The following CAMK1D variants were observed in gnomAD, a reference collection of about 807,000 sequenced individuals.
The protein encoded by CAMK1D is calcium/calmodulin dependent protein kinase ID, also known as calcium/calmodulin-dependent protein kinase type 1D.
Under a neutral mutation model 47.7 loss-of-function variants are expected in CAMK1D, and 9 were observed. The observed-to-expected ratio is 0.19, with a 90% CI of 0.11 to 0.33. CAMK1D has a LOEUF of 0.33. Ranked by LOEUF, CAMK1D falls within the 10% of genes least tolerant of loss-of-function variation. CAMK1D has a pLI of 1.00. For missense variants in CAMK1D, 291 were observed against 488.7 expected, an observed-to-expected ratio of 0.60 and a Z score of 3.81; for synonymous variants, 184 against 184.9, an observed-to-expected ratio of 0.99 and a Z score of 0.04.
At chr10:12,480,455 A>C (rs369522822) in intron 1 of CAMK1D, among the ~76,000 whole-genome samples, 1 of 112,986 alleles carries the variant, frequency 8.9e-6, no homozygotes, top group Non-Finnish European at 2.2e-5. Flanking sequence ...AACAAAAAAC[A>C]AAAAAAAACC....
intron 2 of CAMK1D, among the ~76,000 whole-genome samples, chr10:12,599,607 A>G (rs1367909280): frequency 1.3e-5 from 2 of 152,242 alleles, no homozygotes; most frequent in Non-Finnish European, 2.9e-5. Flanking sequence ...CGTGGTAGAA[A>G]GAGAGCAACG....
At chr10:12,519,050 C>T (rs1835302548) in intron 1 of CAMK1D, among the ~76,000 whole-genome samples, 1 of 107,922 alleles carries the variant, frequency 9.3e-6, no homozygotes, top group African/African-American at 3.5e-5. Flanking sequence ...CTCCTCACTT[C>T]CCAGTAGGGG....
intron 1 of CAMK1D, among the ~76,000 whole-genome samples, chr10:12,532,297 T>C (rs1835829994): frequency 6.7e-6 from 1 of 150,174 alleles, no homozygotes. Flanking sequence ...TTTTTTTTTT[T>C]GAGACGGAGT....
intron 2 of CAMK1D, among the ~76,000 whole-genome samples, chr10:12,665,907 T>C (rs1294740572): frequency 2.6e-5 from 4 of 152,250 alleles, no homozygotes; most frequent in Non-Finnish European, 5.9e-5. Flanking sequence ...AGGCGATTCA[T>C]CTGCACGTTG....
At chr10:12,439,610 G>T (rs971946411) in intron 1 of CAMK1D, among the ~76,000 whole-genome samples, 1 of 152,220 alleles carries the variant, frequency 6.6e-6, no homozygotes, top group South Asian at 2.1e-4. Flanking sequence ...GTGCTTTGCA[G>T]TTGAATTCAC....
At chr10:12,725,060 G>T (rs1834560993) in intron 3 of CAMK1D, among the ~76,000 whole-genome samples, 1 of 152,170 alleles carries the variant, frequency 6.6e-6, no homozygotes, top group Non-Finnish European at 1.5e-5. Flanking sequence ...AGAAGCAAGG[G>T]TCCCACTGTG....
chr10:12,550,414 G>C (rs1836539837), intron 1 of CAMK1D, among the ~76,000 whole-genome samples: 1 of 152,104 alleles, frequency 6.6e-6, no homozygotes, highest in South Asian at 2.1e-4. Context: ...CCTCATTCAG[G>C]GTCTTGACCC....
At chr10:12,580,577 G>A (rs1837634381) in intron 2 of CAMK1D, among the ~76,000 whole-genome samples, 1 of 151,972 alleles carries the variant, frequency 6.6e-6, no homozygotes, top group Non-Finnish European at 1.5e-5. Flanking sequence ...ACTTCACTTT[G>A]TACTTGAAAA....
At chr10:12,650,618 C>T (rs1467788169) in intron 2 of CAMK1D, among the ~76,000 whole-genome samples, 1 of 152,140 alleles carries the variant, frequency 6.6e-6, no homozygotes, top group Non-Finnish European at 1.5e-5. Context: ...GTGGACATGG[C>T]AAAAGGGCAG....
rs190234045 is a variant in CAMK1D at position 12,510,013 on chromosome 10, G to C, written c.93-43212G>C. Among the ~76,000 whole-genome samples the C allele has an allele frequency of 2.1e-3, 316 of 152,334 alleles. 2 individuals are homozygous for C. The highest frequency in any genetic ancestry group is 1.6e-3 in the Non-Finnish European group (106 of 68,038). On this transcript the variant is annotated intron_variant, in intron 1 of 10. Coordinates refer to ENST00000619168, the MANE Select transcript of CAMK1D (RefSeq NM_153498.4). ...GTGTTACCTGCTTTTATTACTGTAG[G>C]AAGGAAAGTCAGGCTTTCAGACAGA...
intron 8 of CAMK1D, among the ~76,000 whole-genome samples, chr10:12,822,243 C>T (rs529169443): frequency 3.9e-5 from 6 of 152,240 alleles, no homozygotes; most frequent in Non-Finnish European, 5.9e-5. Context: ...GTTGTCATTG[C>T]GGCTTGTACT....
chr10:12,823,364 T>G (rs576277217), intron 8 of CAMK1D, among the ~76,000 whole-genome samples: 1 of 151,874 alleles, frequency 6.6e-6, no homozygotes, highest in Non-Finnish European at 1.5e-5. Context: ...AATAGTTTGG[T>G]GCTAGAGGGA....
intron 4 of CAMK1D, 115 bp from the exon 5 acceptor site, chr10:12,769,558 C>T: frequency 8.4e-7 from 1 of 1,193,942 alleles, no homozygotes; most frequent in East Asian, 2.5e-5. Flanking sequence ...TCTACTGTGT[C>T]CAAAGGTCAA....
At chr10:12,824,319 T>G (rs1833120567) in intron 8 of CAMK1D, 146 bp from the exon 9 acceptor site, 3 of 656,288 alleles carry the variant, frequency 4.6e-6, no homozygotes, top group Non-Finnish European at 8.1e-6. Context: ...GGTGATGACA[T>G]CAGCAGCCTG....
At chr10:12,693,970 T>C (rs1377974829) in intron 3 of CAMK1D, among the ~76,000 whole-genome samples, 2 of 19,034 alleles carry the variant, frequency 1.1e-4, no homozygotes, top group Non-Finnish European at 2.4e-4. Flanking sequence ...ATATAAAATA[T>C]ATAATATATA....
chr10:12,532,178 T>TA (rs1281712492), intron 1 of CAMK1D, among the ~76,000 whole-genome samples: 2 of 152,196 alleles, frequency 1.3e-5, no homozygotes, highest in African/African-American at 4.8e-5. Flanking sequence ...AAACTATAAT[T>TA]TACAATGTAT....
At chr10:12,743,221 C>T (rs1345729543) in intron 3 of CAMK1D, among the ~76,000 whole-genome samples, 1 of 151,858 alleles carries the variant, frequency 6.6e-6, no homozygotes, top group Non-Finnish European at 1.5e-5. Flanking sequence ...GTGGCAGGCA[C>T]CTGTAATCTT....
chr10:12,555,022 G>A (rs1301885232), intron 2 of CAMK1D, among the ~76,000 whole-genome samples: 1 of 152,194 alleles, frequency 6.6e-6, no homozygotes, highest in East Asian at 1.9e-4. Context: ...TCTGAGCAGT[G>A]TGCTATGGAA....
chr10:12,559,143 A>G (rs1202713092), intron 2 of CAMK1D, among the ~76,000 whole-genome samples: 1 of 152,006 alleles, frequency 6.6e-6, no homozygotes, highest in Non-Finnish European at 1.5e-5. Flanking sequence ...CTCTGTCTCT[A>G]TAAAACAATT....
Sources: gnomAD v4.1 joint callset for allele counts (sites outside exome capture counted in the v4.1 genomes callset) on GRCh38, gnomAD v4.1.1 for gene constraint, MANE v1.5 for transcripts, NCBI Gene and HGNC (gene_info 2026-07-23, HGNC 2026-07-21) for gene names.